NASP: variants seen among roughly 807,000 people sequenced by gnomAD.
NASP encodes the protein nuclear autoantigenic sperm protein, also known as NASP histone chaperone.
Under a neutral mutation model 89.5 loss-of-function variants are expected in NASP, and 24 were observed. That is an observed-to-expected ratio of 0.27 (90% confidence interval 0.19 to 0.38). NASP has a LOEUF of 0.38. NASP is among the 10% of genes least tolerant of loss of function. NASP has a pLI of 1.00. For synonymous variants in NASP, 306 were observed against 324.7 expected, an observed-to-expected ratio of 0.94 and a Z score of 0.62; for missense variants, 848 against 921.4, an observed-to-expected ratio of 0.92 and a Z score of 1.03.
chr1:45,588,605 T>C (rs1570946566), intron 1 of NASP: 1 of 452,736 alleles, frequency 2.2e-6, no homozygotes, highest in African/African-American at 2.0e-5. Flanking sequence ...GACTATTCGA[T>C]GGGTAAAACA....
At chr1:45,614,425 A>G (rs1308493142) in intron 9 of NASP, 59 bp downstream of exon 9, 9 of 1,343,936 alleles carry the variant, frequency 6.7e-6, no homozygotes, top group East Asian at 2.3e-5. Context: ...TTCTTCCTCT[A>G]ATAGATTCTC....
intron 11 of NASP, 63 bp from the exon 12 acceptor site, chr1:45,616,274 T>TA (rs1644103758): frequency 2.7e-6 from 4 of 1,467,466 alleles, no homozygotes; most frequent in Non-Finnish European, 3.8e-6. Context: ...GGGTTCCTGT[T>TA]ACAAGGCTGT....
chr1:45,604,895 T>A (rs1390786724), intron 3 of NASP, 41 bp from the exon 4 acceptor site: 1 of 1,400,426 alleles, frequency 7.1e-7, no homozygotes, highest in Non-Finnish European at 1.0e-6. Flanking sequence ...TGTTTTAGAT[T>A]AGATGGTAAT....
At chr1:45,594,514 G>C (rs2148337356) in intron 2 of NASP, among the ~76,000 whole-genome samples, 1 of 152,250 alleles carries the variant, frequency 6.6e-6, no homozygotes, top group Non-Finnish European at 1.5e-5. Context: ...CACAGTGCTT[G>C]ATATGTAATC....
At chr1:45,595,594 T>G (rs1453253216) in intron 2 of NASP, among the ~76,000 whole-genome samples, 1 of 152,244 alleles carries the variant, frequency 6.6e-6, no homozygotes, top group South Asian at 2.1e-4. Context: ...AGATCAAAAC[T>G]GTTATTGTAA....
chr1:45,601,056 T>C (rs2148348721), intron 2 of NASP, among the ~76,000 whole-genome samples: 1 of 152,338 alleles, frequency 6.6e-6, no homozygotes, highest in East Asian at 1.9e-4. Flanking sequence ...CTAAGAGTTC[T>C]TTATATATTC....
At chr1:45,606,371 G>A in intron 4 of NASP, 111 bp from the exon 5 acceptor site, 1 of 679,408 alleles carries the variant, frequency 1.5e-6, no homozygotes, top group Non-Finnish European at 2.6e-6. Flanking sequence ...TGTATTGCCT[G>A]CGCTTGGCTT....
At chr1:45,601,365 C>G (rs975650286) in intron 2 of NASP, among the ~76,000 whole-genome samples, 1 of 152,130 alleles carries the variant, frequency 6.6e-6, no homozygotes, top group African/African-American at 2.4e-5. Context: ...TATGAGATAA[C>G]AGTTGAGGTT....
chr1:45,587,671 T>TATATATATATATATATATAC lies in NASP; in HGVS notation c.59+3483_59+3484insTACATATATATATATATATA, dbSNP rs1448895794. Among the ~76,000 whole-genome samples, 41 of 68,894 alleles carry TATATATATATATATATATAC rather than the reference T, an allele frequency of 6.0e-4. 1 individual carries two copies. Among genetic ancestry groups the TATATATATATATATATATAC allele is most frequent in the African/African-American group, 2.4e-3 (41 of 17,392 alleles). The allele number at this position is 68,894 out of a possible 152,430, so 45.2% of individuals were successfully genotyped here. A position where few individuals can be genotyped will look rare whatever the true frequency, so the allele number is the denominator to read the frequency against. ...TGTCTTGAGTTTTTTCATATATATATATATATATATATATATAATTAATTT... is the reference window on the plus strand; with the variant it reads ...TGTCTTGAGTTTTTTCATATATATATATATATATATATATATATACATATATATATATATATAATTAATTT... On this transcript the variant is annotated intron_variant, in intron 1 of 14. Transcript: ENST00000350030.
At chr1:45,612,046 T>G (rs1277179599) in intron 6 of NASP, 1 of 150,264 alleles carries the variant, frequency 6.7e-6, no homozygotes, top group Non-Finnish European at 1.5e-5. Context: ...TTTTTTGGTT[T>G]TTTTTTTTAG....
intron 6 of NASP, chr1:45,609,530 A>G (rs1276737305): frequency 3.3e-5 from 5 of 152,224 alleles, no homozygotes; most frequent in Non-Finnish European, 7.3e-5. Context: ...ACACACAAAA[A>G]AACAAAACTC....
In NASP at chr1:45,586,280, GTGTGGT is replaced by G. The variant is rs1290830604; in HGVS notation, c.59+2076_59+2081del. 2.0e-3 allele frequency among the ~76,000 whole-genome samples: 93 copies of G among 45,686 alleles called. 1 individual carries two copies. Among genetic ancestry groups the G allele is most frequent in the African/African-American group, 2.8e-3 (41 of 14,746 alleles). 30.0% of individuals were successfully genotyped at this position (45,686 alleles called of 152,430 possible). A position where few individuals can be genotyped will look rare whatever the true frequency, so the allele number is the denominator to read the frequency against. On this transcript the variant is annotated intron_variant, in intron 1 of 14. Coordinates refer to ENST00000350030, the MANE Select transcript of NASP (RefSeq NM_002482.4). ...TGTGTGTGTGTGTGTGTGTGTGTGT[GTGTGGT>G]GTGTGTGTGTGTGTGTGTGTGTGGT...
chr1:45,587,007 C>T (rs1176613734), intron 1 of NASP, among the ~76,000 whole-genome samples: 1 of 152,096 alleles, frequency 6.6e-6, no homozygotes, highest in African/African-American at 2.4e-5. Flanking sequence ...TTAGAATTGG[C>T]TTTGATAGCA....
rs186801697 is a variant in NASP at position 45,593,946 on chromosome 1, G to A, written c.107+2676G>A. ...GGGGAGGCTGAGGTAGGAGGATTGC[G>A]GAAGCCCAGGAAGTCGAGGTGGTGG... On this transcript the variant is annotated intron_variant, in intron 2 of 14. Coordinates refer to ENST00000350030, the MANE Select transcript of NASP (RefSeq NM_002482.4). Among the ~76,000 whole-genome samples, 34 of 151,564 alleles carry A rather than the reference G, an allele frequency of 2.2e-4. No individual in the cohort carries two copies. In the East Asian group the frequency reaches 5.2e-3, roughly 23 times the overall value.
At chr1:45,616,208 A>ATAC in intron 11 of NASP, 129 bp from the exon 12 acceptor site, 1 of 815,384 alleles carries the variant, frequency 1.2e-6, no homozygotes, top group Non-Finnish European at 2.1e-6. Flanking sequence ...GTAGAACTGG[A>ATAC]TACTATATGG....
At chr1:45,593,405 C>T (rs892818352) in intron 2 of NASP, among the ~76,000 whole-genome samples, 88 of 151,504 alleles carry the variant, frequency 5.8e-4, no homozygotes, top group African/African-American at 1.9e-3. Context: ...TGGTGGCGGG[C>T]GCCTATAATC....
At chr1:45,604,853 T>C (rs1481860894) in intron 3 of NASP, 83 bp from the exon 4 acceptor site, 2 of 1,059,646 alleles carry the variant, frequency 1.9e-6, no homozygotes, top group African/African-American at 3.2e-5. Flanking sequence ...ACTGGAGAAA[T>C]ATCAATTTAT....
chr1:45,587,272 GC>G (rs1644566069), intron 1 of NASP, among the ~76,000 whole-genome samples: 1 of 151,216 alleles, frequency 6.6e-6, no homozygotes, highest in Non-Finnish European at 1.5e-5. Context: ...TGCAACCTCC[GC>G]CCTCCCGGAT....
At chr1:45,617,870 AT>A in intron 14 of NASP, among the ~76,000 whole-genome samples, 190 bp from the exon 15 acceptor site, 1 of 152,210 alleles carries the variant, frequency 6.6e-6, no homozygotes, top group African/African-American at 2.4e-5. Flanking sequence ...CCACGTGATG[AT>A]TATTGGCTCT....
Sources: gnomAD v4.1 joint callset for allele counts (sites outside exome capture counted in the v4.1 genomes callset) on GRCh38, gnomAD v4.1.1 for gene constraint, MANE v1.5 for transcripts, NCBI Gene and HGNC (gene_info 2026-07-23, HGNC 2026-07-21) for gene names.